Variants in FRMD4B observed in about 807,000 individuals in gnomAD.
FRMD4B encodes the protein FERM domain-containing protein 4B.
Under a neutral mutation model 141.5 loss-of-function variants are expected in FRMD4B, and 74 were observed. The observed-to-expected ratio is 0.52, with a 90% CI of 0.43 to 0.63. The LOEUF (loss-of-function observed/expected upper bound fraction) is 0.63. Among genes scored for constraint, FRMD4B ranks in the 30% least tolerant of loss-of-function variants. FRMD4B has a pLI of 0.00. For missense variants in FRMD4B, 1,366 were observed against 1,253.4 expected (o/e 1.09, Z -1.36); for synonymous variants, 506 against 467.9 (o/e 1.08, Z -1.05).
chr3:69,253,869 C>G (rs1290214528), intron 5 of FRMD4B, among the ~76,000 whole-genome samples: 1 of 152,166 alleles, frequency 6.6e-6, no homozygotes, highest in Non-Finnish European at 1.5e-5. Context: ...GGGGGCACTG[C>G]TTGAGCTCAG....
intron 1 of FRMD4B, among the ~76,000 whole-genome samples, chr3:69,330,256 G>A (rs1702320043): frequency 6.8e-6 from 1 of 147,162 alleles, no homozygotes; most frequent in Non-Finnish European, 1.5e-5. Flanking sequence ...GGTCCCATTG[G>A]CAGCTGAGTG....
chr3:69,261,495 C>T (rs967963623), intron 5 of FRMD4B, among the ~76,000 whole-genome samples: 3 of 152,104 alleles, frequency 2.0e-5, no homozygotes, highest in Admixed American at 6.5e-5. Flanking sequence ...ATTTTCTAGG[C>T]TTATAGTAAA....
At chr3:69,276,540 A>G (rs1408310279) in intron 5 of FRMD4B, among the ~76,000 whole-genome samples, 1 of 152,106 alleles carries the variant, frequency 6.6e-6, no homozygotes, top group African/African-American at 2.4e-5. Flanking sequence ...CTCCCAAAGT[A>G]CCATGCCCGA....
chr3:69,481,072 T>G (rs1256078189), intron 1 of FRMD4B, among the ~76,000 whole-genome samples: 2 of 152,094 alleles, frequency 1.3e-5, no homozygotes, highest in East Asian at 3.9e-4. Context: ...AAAAGCCCAG[T>G]GTTAGGGTAG....
intron 1 of FRMD4B, among the ~76,000 whole-genome samples, chr3:69,341,878 A>G (rs576792488): frequency 1.1e-3 from 172 of 152,342 alleles, no homozygotes; most frequent in Non-Finnish European, 2.2e-3. Context: ...TCCCAGCCTC[A>G]CACTGTGAAA....
chr3:69,191,137 G>T (rs1239771074), intron 17 of FRMD4B, among the ~76,000 whole-genome samples: 1 of 152,170 alleles, frequency 6.6e-6, no homozygotes, highest in East Asian at 1.9e-4. Context: ...TAAATAATGT[G>T]GCCAGGCACA....
At chr3:69,346,741 A>G (rs2107408548) in intron 1 of FRMD4B, among the ~76,000 whole-genome samples, 1 of 152,338 alleles carries the variant, frequency 6.6e-6, no homozygotes, top group African/African-American at 2.4e-5. Context: ...AAGCTTCATA[A>G]GTGAAGGAGA....
intron 5 of FRMD4B, among the ~76,000 whole-genome samples, chr3:69,276,676 G>C (rs2093619264): frequency 6.6e-6 from 1 of 152,160 alleles, no homozygotes; most frequent in Admixed American, 6.5e-5. Flanking sequence ...TAAGATTCCA[G>C]GGATCGGGCT....
intron 2 of FRMD4B, among the ~76,000 whole-genome samples, chr3:69,427,643 G>GGT (rs1705105763): frequency 2.8e-5 from 1 of 36,238 alleles, no homozygotes; most frequent in Non-Finnish European, 5.1e-5. Flanking sequence ...CTAGGTAAAT[G>GGT]TTTTTTTTTT....
At chr3:69,349,975 G>T (rs1036176919) in intron 1 of FRMD4B, among the ~76,000 whole-genome samples, 8 of 152,138 alleles carry the variant, frequency 5.3e-5, no homozygotes, top group Non-Finnish European at 1.0e-4. Context: ...TTGACAAATG[G>T]GGTCTAATTA....
At chr3:69,461,058 T>G (rs1481661859) in intron 1 of FRMD4B, among the ~76,000 whole-genome samples, 2 of 152,222 alleles carry the variant, frequency 1.3e-5, no homozygotes, top group Non-Finnish European at 2.9e-5. Flanking sequence ...AAAATTCAAT[T>G]TGCTACTCTA....
At chr3:69,292,985 A>G in intron 4 of FRMD4B, 1 of 453,096 alleles carries the variant, frequency 2.2e-6, no homozygotes, top group South Asian at 1.6e-5. Flanking sequence ...CGGCTTCACA[A>G]GTGTAATTTC....
At chr3:69,259,026 T>C (rs935513633) in intron 5 of FRMD4B, among the ~76,000 whole-genome samples, 3 of 152,190 alleles carry the variant, frequency 2.0e-5, no homozygotes, top group Non-Finnish European at 4.4e-5. Flanking sequence ...ACATTTATTG[T>C]ACACCTTATT....
chr3:69,298,659 C>T (rs77847250), intron 4 of FRMD4B, among the ~76,000 whole-genome samples: 1,710 of 152,266 alleles, frequency 0.011, 33 homozygotes, highest in African/African-American at 0.038. Flanking sequence ...CCTGCTGTTC[C>T]CCTGGCCTGG....
intron 5 of FRMD4B, among the ~76,000 whole-genome samples, chr3:69,284,183 G>A: frequency 6.6e-6 from 1 of 152,024 alleles, no homozygotes; most frequent in East Asian, 1.9e-4. Context: ...CCTTAGTCTG[G>A]GAGATCAAAA....
intron 1 of FRMD4B, among the ~76,000 whole-genome samples, chr3:69,462,388 A>T (rs1705721208): frequency 6.6e-6 from 1 of 152,218 alleles, no homozygotes; most frequent in African/African-American, 2.4e-5. Flanking sequence ...AGCAAGAAGC[A>T]GTTCACTTCT....
chr3:69,489,734 T>C (rs1458084107), intron 1 of FRMD4B, among the ~76,000 whole-genome samples: 1 of 152,182 alleles, frequency 6.6e-6, no homozygotes, highest in Non-Finnish European at 1.5e-5. Context: ...TTCCTAGGTA[T>C]CCACTGGAGA....
At chr3:69,274,456 T>C (rs1357287006) in intron 5 of FRMD4B, among the ~76,000 whole-genome samples, 3 of 152,218 alleles carry the variant, frequency 2.0e-5, no homozygotes, top group African/African-American at 2.4e-5. Flanking sequence ...CTAAGTCTTG[T>C]TGATTTCACA....
intron 1 of FRMD4B, among the ~76,000 whole-genome samples, chr3:69,535,030 C>T (rs2107165718): frequency 6.6e-6 from 1 of 152,282 alleles, no homozygotes; most frequent in East Asian, 1.9e-4. Flanking sequence ...CTACATGAAA[C>T]ACTTCTTTAT....
Sources: gnomAD v4.1 joint callset for allele counts (sites outside exome capture counted in the v4.1 genomes callset) on GRCh38, gnomAD v4.1.1 for gene constraint, MANE v1.5 for transcripts, NCBI Gene and HGNC (gene_info 2026-07-23, HGNC 2026-07-21) for gene names.